Variants in SMC6 observed in about 807,000 individuals in gnomAD.
The protein encoded by SMC6 is structural maintenance of chromosomes 6, also known as structural maintenance of chromosomes protein 6.
In SMC6, 79 loss-of-function variants were observed where a neutral mutation model predicts 142.2. The observed-to-expected ratio is 0.56, with a 90% CI of 0.46 to 0.67. The LOEUF (loss-of-function observed/expected upper bound fraction) is 0.67, where lower values mean the gene tolerates loss of function less well. Among genes scored for constraint, SMC6 ranks in the 30% least tolerant of loss-of-function variants. The pLI, the probability that SMC6 is intolerant of heterozygous loss-of-function variation, is 0.00. For missense variants in SMC6, 1,072 were observed against 1,284.0 expected (o/e 0.83, Z 2.52); for synonymous variants, 411 against 412.4 (o/e 1.00, Z 0.04).
chr2:17,728,155 G>C (rs1291534619), intron 7 of SMC6, among the ~76,000 whole-genome samples: 1 of 152,128 alleles, frequency 6.6e-6, no homozygotes, highest in Non-Finnish European at 1.5e-5. Flanking sequence ...AAGAATCTTG[G>C]CCAGGCACAG....
chr2:17,721,699 CT>C (rs370093937), intron 9 of SMC6, among the ~76,000 whole-genome samples: 1,748 of 142,514 alleles, frequency 0.012, 25 homozygotes, highest in African/African-American at 0.035. Context: ...ACTAAGTTCA[CT>C]TTTTTTTTTT....
chr2:17,744,078 C>A (rs1255739807), intron 3 of SMC6, among the ~76,000 whole-genome samples: 1 of 152,166 alleles, frequency 6.6e-6, no homozygotes, highest in Non-Finnish European at 1.5e-5. Context: ...GTTTTCAACT[C>A]CTTTGGGTAA....
At chr2:17,670,331 G>T in intron 26 of SMC6, 92 bp downstream of exon 26, 2 of 1,293,458 alleles carry the variant, frequency 1.5e-6, no homozygotes, top group East Asian at 5.2e-5. Flanking sequence ...TTTCCTGTTA[G>T]GGGTAAAACT....
At chr2:17,741,764 T>A (rs760058618) in intron 3 of SMC6, 35 bp from the exon 4 acceptor site, 1 of 1,366,032 alleles carries the variant, frequency 7.3e-7, no homozygotes, top group South Asian at 1.2e-5. Context: ...AAATGGTCAA[T>A]CTAATTCACT....
chr2:17,675,060 CAT>C (rs1469791883), intron 25 of SMC6, among the ~76,000 whole-genome samples: 1 of 151,910 alleles, frequency 6.6e-6, no homozygotes, highest in Non-Finnish European at 1.5e-5. Flanking sequence ...CAATTTGTTC[CAT>C]ATGTTCTTTA....
At chr2:17,703,398 A>G in intron 18 of SMC6, 106 bp from the exon 19 acceptor site, 1 of 1,018,214 alleles carries the variant, frequency 9.8e-7, no homozygotes, top group East Asian at 2.7e-5. Flanking sequence ...AGTTATGTGC[A>G]AAATCCTTTT....
intron 16 of SMC6, among the ~76,000 whole-genome samples, chr2:17,712,643 G>A (rs1329352877): frequency 1.3e-5 from 2 of 152,190 alleles, no homozygotes; most frequent in African/African-American, 4.8e-5. Flanking sequence ...TGACTGAAAT[G>A]AGTCCTATGT....
intron 4 of SMC6, among the ~76,000 whole-genome samples, chr2:17,740,154 A>G (rs572466965): frequency 6.6e-6 from 1 of 152,312 alleles, no homozygotes; most frequent in South Asian, 2.1e-4. Context: ...TTTTATTAAT[A>G]AAAATCATTG....
At chr2:17,739,821 A>AACACACAC (rs148768584) in intron 4 of SMC6, among the ~76,000 whole-genome samples, 19 of 111,414 alleles carry the variant, frequency 1.7e-4, no homozygotes, top group Non-Finnish European at 2.0e-4. Flanking sequence ...TTTCTCTTTA[A>AACACACAC]ACACACACAC....
chr2:17,725,899 C>A (rs1669591594), intron 8 of SMC6, among the ~76,000 whole-genome samples: 1 of 151,782 alleles, frequency 6.6e-6, no homozygotes, highest in African/African-American at 2.4e-5. Context: ...ACCAGCCTGG[C>A]CAAACTGGTG....
intron 26 of SMC6, among the ~76,000 whole-genome samples, chr2:17,668,406 G>C (rs145260098): frequency 1.3e-5 from 2 of 151,946 alleles, no homozygotes; most frequent in East Asian, 3.9e-4. Context: ...CTTACTAAAC[G>C]GTCATTATAG....
rs182857130 is a variant in SMC6 at position 17,663,965 on chromosome 2, C to T, written c.*1534G>A. ...TAGTTGAAATCAAAACTTTGTGAGGCCAAAGCAATGAATAATCTTCAATTC... is the reference window on the plus strand; with the variant it reads ...TAGTTGAAATCAAAACTTTGTGAGGTCAAAGCAATGAATAATCTTCAATTC... On this transcript the variant is annotated 3_prime_UTR_variant, in exon 28 of 28. Transcript: ENST00000448223. The T allele has an allele frequency of 6.6e-6, 1 of 152,032 alleles. No homozygotes were observed. Among genetic ancestry groups the T allele is most frequent in the African/African-American group, 2.4e-5 (1 of 41,380 alleles). 9.4% of individuals were successfully genotyped at this position (152,032 alleles called of 1,614,324 possible). A position where few individuals can be genotyped will look rare whatever the true frequency, so the allele number is the denominator to read the frequency against.
At chr2:17,672,710 C>T (rs1666819699) in intron 25 of SMC6, among the ~76,000 whole-genome samples, 1 of 152,188 alleles carries the variant, frequency 6.6e-6, no homozygotes, top group Non-Finnish European at 1.5e-5. Flanking sequence ...ACACTATGTA[C>T]ATCCTTGTAA....
chr2:17,727,711 A>G (rs1164542419), intron 7 of SMC6, among the ~76,000 whole-genome samples: 2 of 152,166 alleles, frequency 1.3e-5, no homozygotes, highest in African/African-American at 4.8e-5. Flanking sequence ...TGTTAAAAAT[A>G]ATCTTCATAA....
In SMC6 at chr2:17,695,275, T is replaced by C; in HGVS notation, c.2555A>G (p.Gln852Arg). 6.2e-7 allele frequency: 1 copy of C among 1,612,670 alleles called. No individual in the cohort carries two copies. Among genetic ancestry groups the C allele is most frequent in the Non-Finnish European group, 8.5e-7 (1 of 1,179,694 alleles). ...TACTTCTATACGCTCTGGGCAGATT[T>C]GTCTTGCTTGTGACATTTTCTCCTA... ...ELEEKMSQAR[Q>R]ICPERIEVEK... The change falls in exon 23 of 28, where the codon CAA (glutamine) becomes CGA (arginine). Residue 852 changes from glutamine to arginine, a missense_variant. Gln to Arg is a conservative substitution (Grantham distance 43, BLOSUM62 1). This residue lies in a region of SMC6 where 994 missense variants were observed against 1,153.2 expected (regional missense o/e 0.86). Transcript: ENST00000448223.
chr2:17,671,724 T>G (rs1456664376), intron 25 of SMC6, among the ~76,000 whole-genome samples: 2 of 151,870 alleles, frequency 1.3e-5, no homozygotes, highest in East Asian at 3.9e-4. Context: ...AAATAAAATC[T>G]TTAAAAAATT....
chr2:17,702,754 G>A (rs1277924230), intron 19 of SMC6, among the ~76,000 whole-genome samples: 1 of 152,040 alleles, frequency 6.6e-6, no homozygotes, highest in Non-Finnish European at 1.5e-5. Context: ...TTTATAAGGC[G>A]TTTCCCCTTT....
At chr2:17,669,675 T>C (rs1666664279) in intron 26 of SMC6, among the ~76,000 whole-genome samples, 1 of 152,204 alleles carries the variant, frequency 6.6e-6, no homozygotes, top group Non-Finnish European at 1.5e-5. Flanking sequence ...AGCTCATTTA[T>C]AACCTTTGCT....
At chr2:17,740,776 G>T in intron 4 of SMC6, 1 of 427,190 alleles carries the variant, frequency 2.3e-6, no homozygotes, top group African/African-American at 2.1e-5. Context: ...CTTGAACCTG[G>T]GAGGCAGAGG....
Sources: gnomAD v4.1 joint callset for allele counts (sites outside exome capture counted in the v4.1 genomes callset) on GRCh38, gnomAD v4.1.1 for gene constraint, gnomAD v4.1.1 regional missense constraint, MANE v1.5 for transcripts, NCBI Gene and HGNC (gene_info 2026-07-23, HGNC 2026-07-21) for gene names.